Variants in BCAP31 observed in about 807,000 individuals in gnomAD.
BCAP31 encodes the protein B-cell receptor-associated protein 31.
For synonymous variants in BCAP31, 75 were observed against 80.9 expected (o/e 0.93, Z 0.39); for missense variants, 124 against 193.0 (o/e 0.64, Z 2.12).
chrX:153,709,650 G>A (rs1198096939), intron 4 of BCAP31, among the ~76,000 whole-genome samples: 3 of 112,767 alleles, frequency 2.7e-5, no homozygotes, highest in Admixed American at 1.9e-4. Flanking sequence ...TCCCCTGGAG[G>A]TGGCCCCGAT....
At chrX:153,701,857 G>A in intron 7 of BCAP31, 150 bp downstream of exon 7, 1 of 493,911 alleles carries the variant, frequency 2.0e-6, no homozygotes, top group Admixed American at 4.3e-5. Flanking sequence ...CCGGTGAAGG[G>A]TCCCACTCAG....
chrX:153,710,250 G>C (rs1382606862), intron 4 of BCAP31, among the ~76,000 whole-genome samples: 5 of 111,723 alleles, frequency 4.5e-5, no homozygotes, highest in Non-Finnish European at 9.4e-5. Context: ...CAGGCCAAAG[G>C]GGGGAAGGCA....
In BCAP31 at chrX:153,700,639, C is replaced by T; in HGVS notation, c.*298G>A. On this transcript the variant is annotated 3_prime_UTR_variant, in exon 8 of 8. Transcript: ENST00000345046. ...AACAGGAAGTCAGCCCCACCGCAAG[C>T]CGGACTACAACTAACTCGTGCTCTC... 2 of 270,129 alleles carry T rather than the reference C, an allele frequency of 7.4e-6. No individual in the cohort carries two copies. Among genetic ancestry groups the T allele is most frequent in the Non-Finnish European group, 6.5e-6 (1 of 154,204 alleles). 22.3% of individuals were successfully genotyped at this position (270,129 alleles called of 1,213,427 possible). A position where few individuals can be genotyped will look rare whatever the true frequency, so the allele number is the denominator to read the frequency against.
chrX:153,717,572 C>G (rs1557050319), intron 3 of BCAP31, among the ~76,000 whole-genome samples: 2 of 112,418 alleles, frequency 1.8e-5, no homozygotes. Context: ...TGCTACCACA[C>G]TCAGTTAATT....
In BCAP31 at chrX:153,723,109, G is replaced by A. The variant is rs4148029; in HGVS notation, c.92+44C>T. 6.9e-3 allele frequency: 8,295 copies of A among 1,193,836 alleles called. 266 individuals are homozygous for A. In the African/African-American group the frequency reaches 0.1, roughly 15 times the overall value. ...ACACCAGTCCCAGGGCTAGGGCACA[G>A]GCACCCTCCTGCCTAACTCGCCTGC... On this transcript the variant is annotated intron_variant, in intron 2 of 7. Transcript: ENST00000345046.
chrX:153,702,213 A>C, intron 6 of BCAP31, 106 bp from the exon 7 acceptor site: 2 of 660,997 alleles, frequency 3.0e-6, no homozygotes, highest in Non-Finnish European at 4.6e-6. Context: ...ATCTATCTCA[A>C]ACGAGGTTAT....
intron 4 of BCAP31, among the ~76,000 whole-genome samples, chrX:153,710,442 C>T (rs782772651): frequency 1.8e-5 from 2 of 111,804 alleles, no homozygotes; most frequent in South Asian, 3.8e-4. Context: ...AAGCGCCTCA[C>T]CCTGCTGGGC....
intron 4 of BCAP31, among the ~76,000 whole-genome samples, chrX:153,712,974 G>A (rs1455050692): frequency 9.0e-6 from 1 of 111,701 alleles, no homozygotes; most frequent in Non-Finnish European, 1.9e-5. Flanking sequence ...GGGAGGCTGA[G>A]GCAGGCAGAT....
chrX:153,704,483 G>A (rs2091541130), intron 4 of BCAP31, among the ~76,000 whole-genome samples: 1 of 112,367 alleles, frequency 8.9e-6, no homozygotes, highest in Non-Finnish European at 1.9e-5. Flanking sequence ...GGTAACGAGA[G>A]AAGCTAATCA....
chrX:153,720,605 C>T (rs1264621067), intron 3 of BCAP31, among the ~76,000 whole-genome samples: 1 of 111,722 alleles, frequency 9.0e-6, no homozygotes, highest in Non-Finnish European at 1.9e-5. Context: ...CTCAGGTGAT[C>T]CACCGACCTC....
Position 153,723,681 on chromosome X carries a change from C to T in BCAP31, c.-44-393G>A, listed in dbSNP as rs1603230884. The T allele has an allele frequency of 3.5e-6, 4 of 1,156,173 alleles. No individual in the cohort carries two copies. In the African/African-American group the frequency reaches 5.3e-5, roughly 15 times the overall value. The stretch of plus-strand genomic sequence containing the variant: ...GGCACCCATCGGGCGCTCCCTTCCC[C>T]GCCAGGCAGAACTCAGCCGCAGAGG... On this transcript the variant is annotated intron_variant, in intron 1 of 7. Coordinates refer to ENST00000345046, the MANE Select transcript of BCAP31 (RefSeq NM_001256447.2).
Position 153,700,769 on chromosome X carries a change from C to T in BCAP31, c.*168G>A, listed in dbSNP as rs1170190284. 1 of 471,533 alleles carries T rather than the reference C, an allele frequency of 2.1e-6. No individual in the cohort carries two copies. Among genetic ancestry groups the T allele is most frequent in the Non-Finnish European group, 3.6e-6 (1 of 276,893 alleles). The allele number at this position is 471,533 out of a possible 1,213,427, so 38.9% of individuals were successfully genotyped here. On this transcript the variant is annotated 3_prime_UTR_variant, in exon 8 of 8. Transcript: ENST00000345046. ...TAGCAATCAGGTCCCCTGTAATGTG[C>T]TTGGAGAGTGTGGACAAGGGCCGAG... is the stretch of plus-strand genomic sequence containing the variant.
rs2091510908 is a variant in BCAP31, at chrX:153,700,612, C to T, written c.*325G>A. 1 of 244,541 alleles carries T rather than the reference C, an allele frequency of 4.1e-6. No homozygotes were observed. 20.2% of individuals were successfully genotyped at this position (244,541 alleles called of 1,213,427 possible). A position where few individuals can be genotyped will look rare whatever the true frequency, so the allele number is the denominator to read the frequency against. ...AGGGCAAAACAAAAAGGGGCTCAAACCAACAGGAAGTCAGCCCCACCGCAA... is the reference window on the plus strand; with the variant it reads ...AGGGCAAAACAAAAAGGGGCTCAAATCAACAGGAAGTCAGCCCCACCGCAA... On this transcript the variant is annotated 3_prime_UTR_variant, in exon 8 of 8. Transcript: ENST00000345046.
intron 4 of BCAP31, 117 bp downstream of exon 4, chrX:153,715,425 G>T: frequency 9.6e-7 from 1 of 1,040,626 alleles, no homozygotes; most frequent in Non-Finnish European, 1.3e-6. Flanking sequence ...TGGGATCCAG[G>T]CCACAGACTG....
chrX:153,700,771 T>C lies in BCAP31; in HGVS notation c.*166A>G, dbSNP rs2091512606. ...GCAATCAGGTCCCCTGTAATGTGCT[T>C]GGAGAGTGTGGACAAGGGCCGAGAT... On this transcript the variant is annotated 3_prime_UTR_variant, in exon 8 of 8. Transcript: ENST00000345046. 6.4e-6 allele frequency: 3 copies of C among 468,896 alleles called. No homozygotes were observed. Among genetic ancestry groups the C allele is most frequent in the African/African-American group, 2.5e-5 (1 of 39,924 alleles). The allele number at this position is 468,896 out of a possible 1,213,427, so 38.6% of individuals were successfully genotyped here.
chrX:153,715,384 C>T, intron 4 of BCAP31, 158 bp downstream of exon 4: 1 of 841,428 alleles, frequency 1.2e-6, no homozygotes. Flanking sequence ...CAGGAGAAAA[C>T]TATGTGGCTT....
intron 1 of BCAP31, chrX:153,724,086 G>A (rs1557051759): frequency 6.5e-6 from 2 of 308,604 alleles, no homozygotes; most frequent in Non-Finnish European, 1.2e-5. Flanking sequence ...CTGGCACACC[G>A]TCCCGGAGGC....
At chrX:153,716,916 G>A (rs1359322938) in intron 3 of BCAP31, among the ~76,000 whole-genome samples, 4 of 112,643 alleles carry the variant, frequency 3.6e-5, no homozygotes, top group Non-Finnish European at 5.6e-5. Flanking sequence ...CACACTCATC[G>A]AAAGTTCAAA....
chrX:153,714,811 T>C (rs2091615841), intron 4 of BCAP31, among the ~76,000 whole-genome samples: 1 of 111,067 alleles, frequency 9.0e-6, no homozygotes, highest in Non-Finnish European at 1.9e-5. Flanking sequence ...GATTAAGTGA[T>C]GAGAGCTCCA....
Sources: gnomAD v4.1 joint callset for allele counts (sites outside exome capture counted in the v4.1 genomes callset) on GRCh38, gnomAD v4.1.1 for gene constraint, MANE v1.5 for transcripts, NCBI Gene and HGNC (gene_info 2026-07-23, HGNC 2026-07-21) for gene names.